The following CD2AP variants were observed in gnomAD, a reference collection of about 807,000 sequenced individuals.
CD2AP encodes CD2-associated protein.
A neutral mutation model predicts 85.1 loss-of-function variants in CD2AP; 46 were observed. The observed-to-expected ratio is 0.54, with a 90% confidence interval of 0.43 to 0.69. CD2AP has a LOEUF of 0.69. Ranked by LOEUF, CD2AP falls within the 30% of genes least tolerant of loss-of-function variation. The probability of loss-of-function intolerance (pLI) is 0.00; values close to 1 mark genes in which losing one functional copy is unlikely to be tolerated. For synonymous variants in CD2AP, 255 were observed against 252.9 expected (o/e 1.01, Z -0.08); for missense variants, 769 against 729.5 (o/e 1.05, Z -0.62).
At chr6:47,523,137 A>T (rs1365921912) in intron 2 of CD2AP, among the ~76,000 whole-genome samples, 1 of 152,078 alleles carries the variant, frequency 6.6e-6, no homozygotes. Context: ...GTTTTCCAGT[A>T]TTTATAGAAA....
intron 3 of CD2AP, among the ~76,000 whole-genome samples, chr6:47,535,199 T>C (rs559766270): frequency 2.0e-5 from 3 of 152,216 alleles, no homozygotes; most frequent in Non-Finnish European, 4.4e-5. Flanking sequence ...ACTATCCTGC[T>C]GTTCAAGGTC....
intron 1 of CD2AP, 138 bp downstream of exon 1, chr6:47,478,386 C>A (rs558578035): frequency 9.0e-6 from 9 of 1,004,932 alleles, no homozygotes; most frequent in Non-Finnish European, 1.4e-5. Context: ...TTCTCCCCAC[C>A]GCCCCTTCTT....
chr6:47,608,577 G>T (rs28360587), intron 15 of CD2AP, among the ~76,000 whole-genome samples: 38,264 of 151,926 alleles, frequency 0.25, 5,521 homozygotes, highest in East Asian at 0.6. Context: ...TTTTGTCAGC[G>T]TTTCCAATTT....
Position 47,490,295 on chromosome 6 carries a change from T to C in CD2AP, c.4+12047T>C, listed in dbSNP as rs1765702505. 2.0e-5 allele frequency among the ~76,000 whole-genome samples: 3 copies of C among 152,308 alleles called. No individual in the cohort carries two copies. The South Asian group carries it at 6.2e-4, about 32-fold the overall frequency. On this transcript the variant is annotated intron_variant, in intron 1 of 17. Coordinates refer to ENST00000359314, the MANE Select transcript of CD2AP (RefSeq NM_012120.3). ...CACTATGCCTGGCCTCTTAAGAGAC[T>C]TTTAACAAATTTTAACTGTTACACA...
chr6:47,600,152 C>G (rs983101358), intron 13 of CD2AP, among the ~76,000 whole-genome samples: 1 of 151,766 alleles, frequency 6.6e-6, no homozygotes, highest in Non-Finnish European at 1.5e-5. Context: ...AGCACTTTCT[C>G]ATGTATGTTC....
At chr6:47,528,208 T>G (rs1032337830) in intron 2 of CD2AP, among the ~76,000 whole-genome samples, 2 of 152,196 alleles carry the variant, frequency 1.3e-5, no homozygotes, top group Admixed American at 1.3e-4. Context: ...AGAGTCTCTT[T>G]CTGTCACCCA....
At chr6:47,617,148 A>T (rs908195798) in intron 17 of CD2AP, among the ~76,000 whole-genome samples, 2 of 152,156 alleles carry the variant, frequency 1.3e-5, no homozygotes, top group East Asian at 3.9e-4. Flanking sequence ...AGTTTTTTGT[A>T]GGGACTGGTT....
At chr6:47,566,290 C>A (rs1206090678) in intron 5 of CD2AP, among the ~76,000 whole-genome samples, 1 of 96,064 alleles carries the variant, frequency 1.0e-5, no homozygotes, top group Non-Finnish European at 2.4e-5. Context: ...GTCTGTCTAC[C>A]TGCTCATTAG....
chr6:47,486,601 A>G (rs1215161357), intron 1 of CD2AP, among the ~76,000 whole-genome samples: 1 of 152,106 alleles, frequency 6.6e-6, no homozygotes, highest in Non-Finnish European at 1.5e-5. Flanking sequence ...TTTTTCCTCC[A>G]CTTCTGGCAA....
chr6:47,516,647 C>T (rs1251427048), intron 2 of CD2AP, among the ~76,000 whole-genome samples: 1 of 152,052 alleles, frequency 6.6e-6, no homozygotes, highest in Non-Finnish European at 1.5e-5. Flanking sequence ...AATACTGGAA[C>T]AGAAAGTTAG....
intron 1 of CD2AP, chr6:47,489,142 T>C (rs992315462): frequency 6.6e-6 from 1 of 151,098 alleles, no homozygotes; most frequent in African/African-American, 2.4e-5. Context: ...TCTTCCCTGC[T>C]TTTCATTACT....
intron 11 of CD2AP, among the ~76,000 whole-genome samples, chr6:47,582,785 T>G (rs1056756931): frequency 5.0e-5 from 6 of 119,676 alleles, no homozygotes; most frequent in Non-Finnish European, 1.1e-4. Context: ...TTTTTGTTTT[T>G]TTTTGTTTTG....
intron 16 of CD2AP, among the ~76,000 whole-genome samples, chr6:47,609,689 G>A (rs1463324217): frequency 6.6e-6 from 1 of 151,698 alleles, no homozygotes; most frequent in East Asian, 1.9e-4. Flanking sequence ...ACAAAACCAA[G>A]ACCCTGTCTC....
intron 1 of CD2AP, among the ~76,000 whole-genome samples, chr6:47,486,266 T>G (rs1765561451): frequency 6.6e-6 from 1 of 152,194 alleles, no homozygotes; most frequent in Admixed American, 6.5e-5. Flanking sequence ...ATTTTTGTTT[T>G]AAACTTCTCA....
At chr6:47,562,972 A>G in intron 5 of CD2AP, 1 of 488,166 alleles carries the variant, frequency 2.0e-6, no homozygotes, top group Non-Finnish European at 3.7e-6. Context: ...TATGGCAAAG[A>G]ATCTTACGCC....
intron 5 of CD2AP, among the ~76,000 whole-genome samples, chr6:47,567,070 T>G (rs1169059124): frequency 6.7e-6 from 1 of 148,152 alleles, no homozygotes; most frequent in Non-Finnish European, 1.5e-5. Flanking sequence ...GAGTTTTGTT[T>G]TTCTGATTTC....
At chr6:47,553,566 A>G (rs1767590356) in intron 4 of CD2AP, among the ~76,000 whole-genome samples, 2 of 120,222 alleles carry the variant, frequency 1.7e-5, no homozygotes, top group South Asian at 5.0e-4. Flanking sequence ...GGATTTCACT[A>G]TGTTGGCCAG....
rs375930045 is a variant in CD2AP, at chr6:47,484,239, G to C, written c.4+5991G>C. Among the ~76,000 whole-genome samples the C allele has an allele frequency of 1.6e-4, 24 of 152,114 alleles. No individual in the cohort carries two copies. In the East Asian group the frequency reaches 4.3e-3, roughly 27 times the overall value. ...TTTTATTGGGACTTCACTAACCTGA[G>C]ACCATGCTGTACTCATTTTTGAATC... is the stretch of plus-strand genomic sequence containing the variant. On this transcript the variant is annotated intron_variant, in intron 1 of 17. Coordinates refer to ENST00000359314, the MANE Select transcript of CD2AP (RefSeq NM_012120.3).
chr6:47,504,775 T>A (rs1487967914), intron 2 of CD2AP, among the ~76,000 whole-genome samples: 2 of 152,170 alleles, frequency 1.3e-5, no homozygotes, highest in Admixed American at 1.3e-4. Flanking sequence ...CACATGAATG[T>A]TTTGATTTCT....
Sources: allele counts gnomAD v4.1 joint callset (sites outside exome capture counted in the v4.1 genomes callset), GRCh38; gene constraint gnomAD v4.1.1; transcripts MANE v1.5; gene names NCBI Gene and HGNC (gene_info 2026-07-23, HGNC 2026-07-21).